WDR19: variants seen among roughly 807,000 people sequenced by gnomAD.
WDR19 encodes the protein WD repeat-containing protein 19.
A neutral mutation model predicts 180.0 loss-of-function variants in WDR19; 121 were observed. The observed-to-expected ratio is 0.67, with a 90% CI of 0.58 to 0.78. The LOEUF (loss-of-function observed/expected upper bound fraction) is 0.78, where lower values mean the gene tolerates loss of function less well. Among genes scored for constraint, WDR19 ranks in the 30% least tolerant of loss-of-function variants. The pLI is 0.00. For missense variants in WDR19, 1,450 were observed against 1,640.7 expected, an observed-to-expected ratio of 0.88 and a Z score of 2.01; for synonymous variants, 497 against 540.7, an observed-to-expected ratio of 0.92 and a Z score of 1.12.
intron 4 of WDR19, among the ~76,000 whole-genome samples, chr4:39,190,191 G>A (rs1726005422): frequency 6.6e-6 from 1 of 152,162 alleles, no homozygotes; most frequent in Non-Finnish European, 1.5e-5. Context: ...CTATCAGTAT[G>A]TATCATTCTT....
In WDR19 at chr4:39,186,532, C is replaced by A; in HGVS notation, c.99-7C>A. 2.6e-6 allele frequency: 3 copies of A among 1,154,058 alleles called. No individual in the cohort carries two copies. Among genetic ancestry groups the A allele is most frequent in the Non-Finnish European group, 3.7e-6 (3 of 821,200 alleles). 71.5% of individuals were successfully genotyped at this position (1,154,058 alleles called of 1,614,324 possible). ...AAATCATATCTTTATGTTCTGATTG[C>A]TTTCAGAGCTGATTATATTGTGAAA... On this transcript the variant is annotated splice_polypyrimidine_tract_variant and splice_region_variant and intron_variant, in intron 2 of 36. Transcript: ENST00000399820.
At position 39,228,675 on chromosome 4, in the gene WDR19, A is replaced by G. The variant is rs199821813; in HGVS notation, c.1967A>G (p.Asn656Ser). 6.3e-7 allele frequency: 1 copy of G among 1,595,714 alleles called. No individual in the cohort carries two copies. Among genetic ancestry groups the G allele is most frequent in the Non-Finnish European group, 8.5e-7 (1 of 1,171,162 alleles). ...PDELRPMLAQ[N>S]LMLKRFSDAW... ...GAACTGAGACCAATGCTGGCACAGAATTTAATGCTAAAGAGGTAGGCTTTC... is the reference window on the plus strand; with the variant it reads ...GAACTGAGACCAATGCTGGCACAGAGTTTAATGCTAAAGAGGTAGGCTTTC... Residue 656 changes from asparagine (N) to serine (S), a missense_variant, in exon 17 of 37, where the codon AAT becomes AGT. Coordinates refer to ENST00000399820, the MANE Select transcript of WDR19 (RefSeq NM_025132.4).
rs368949539 is a variant in WDR19 at position 39,280,141 on chromosome 4, T to TTTTTTTTTTTTA, written c.*13+1478_*13+1479insTTTTTTTTTTTA. 4.6e-4 allele frequency among the ~76,000 whole-genome samples: 41 copies of TTTTTTTTTTTTA among 88,382 alleles called. 3 individuals carry two copies. The highest frequency in any genetic ancestry group is 7.3e-4 in the East Asian group (2 of 2,742). The allele number at this position is 88,382 out of a possible 152,430, so 58.0% of individuals were successfully genotyped here. On this transcript the variant is annotated intron_variant, in intron 36 of 36. Coordinates refer to ENST00000399820, the MANE Select transcript of WDR19 (RefSeq NM_025132.4). Reference sequence around the variant, plus strand: ...CTTGTTTTTTTTTTTTTTTTTTTTTTAATAGAGGCAGGGTCTCGCCACATT... The same window carrying TTTTTTTTTTTTA: ...CTTGTTTTTTTTTTTTTTTTTTTTTTTTTTTTTTTTTAAATAGAGGCAGGGTCTCGCCACATT...
At chr4:39,193,223 G>A (rs1403617096) in intron 4 of WDR19, among the ~76,000 whole-genome samples, 3 of 149,030 alleles carry the variant, frequency 2.0e-5, no homozygotes, top group Non-Finnish European at 4.4e-5. Context: ...GTGCAGTGGC[G>A]CAATCTTGGC....
At chr4:39,280,461 C>A (rs1210391939) in intron 36 of WDR19, among the ~76,000 whole-genome samples, 1 of 152,010 alleles carries the variant, frequency 6.6e-6, no homozygotes, top group Non-Finnish European at 1.5e-5. Flanking sequence ...AAGTTTGAGA[C>A]CAGCCTGGGC....
intron 36 of WDR19, among the ~76,000 whole-genome samples, chr4:39,280,022 G>A (rs900996999): frequency 7.0e-6 from 1 of 142,280 alleles, no homozygotes; most frequent in African/African-American, 2.6e-5. Flanking sequence ...TCTTTTTATT[G>A]TTCAGTTCTA....
At position 39,205,601 on chromosome 4, in the gene WDR19, G is replaced by T; in HGVS notation, c.755G>T (p.Gly252Val). ...CGCATCATGATTGGTTTTTCATGTG[G>T]ACATTTTGTGGTCATTTCTACTCAT... is the stretch of plus-strand genomic sequence containing the variant. The part of the protein sequence containing the change: ...DGRIMIGFSC[G>V]HFVVISTHTG... The change falls in exon 9 of 37, where the codon GGA becomes GTA. Residue 252 changes from glycine to valine, a missense_variant. By Grantham distance (109) the Gly-to-Val change is moderately radical. Transcript: ENST00000399820. 1 of 1,613,336 alleles carries T rather than the reference G, an allele frequency of 6.2e-7. No individual in the cohort carries two copies. Among genetic ancestry groups the T allele is most frequent in the Non-Finnish European group, 8.5e-7 (1 of 1,179,676 alleles).
intron 10 of WDR19, 109 bp downstream of exon 10, chr4:39,214,780 T>A (rs1331320278): frequency 1.4e-6 from 1 of 693,610 alleles, no homozygotes; most frequent in East Asian, 2.9e-5. Flanking sequence ...ATAATTTTTT[T>A]TTTTTTTTTT....
At chr4:39,281,635 T>C (rs1047360034) in intron 36 of WDR19, among the ~76,000 whole-genome samples, 8 of 152,206 alleles carry the variant, frequency 5.3e-5, no homozygotes, top group African/African-American at 1.9e-4. Context: ...CAAATTATGA[T>C]TGGGGCTTGT....
intron 9 of WDR19, among the ~76,000 whole-genome samples, chr4:39,210,474 G>A (rs920577461): frequency 1.3e-5 from 2 of 152,310 alleles, no homozygotes; most frequent in Admixed American, 1.3e-4. Flanking sequence ...CCTGAAGCTA[G>A]GAGTTCGAGA....
intron 14 of WDR19, 170 bp downstream of exon 14, chr4:39,218,275 A>G (rs1729289517): frequency 1.1e-6 from 1 of 870,910 alleles, no homozygotes; most frequent in Non-Finnish European, 1.7e-6. Flanking sequence ...CAGTGGGGAT[A>G]CATTCTGAGA....
intron 6 of WDR19, among the ~76,000 whole-genome samples, chr4:39,200,718 G>A (rs1367274548): frequency 6.6e-6 from 1 of 152,122 alleles, no homozygotes; most frequent in Non-Finnish European, 1.5e-5. Context: ...TTCTTTAGAA[G>A]TGAACTACAA....
intron 24 of WDR19, among the ~76,000 whole-genome samples, chr4:39,248,184 T>A: frequency 6.6e-6 from 1 of 151,936 alleles, no homozygotes; most frequent in East Asian, 1.9e-4. Flanking sequence ...CAGAAGAGAG[T>A]GGGGGCCAAT....
At position 39,244,663 on chromosome 4, in the gene WDR19, A is replaced by G. The variant is rs576981344; in HGVS notation, c.2645+111A>G. 5 of 1,073,266 alleles carry G rather than the reference A, an allele frequency of 4.7e-6. No individual in the cohort carries two copies. In the African/African-American group the frequency reaches 4.8e-5, roughly 10 times the overall value. 66.5% of individuals were successfully genotyped at this position (1,073,266 alleles called of 1,614,324 possible). ...TTCTCTCTGTCCATTCTGTTCCCCT[A>G]TCTAGACCTACCCTTCATCTCTTTT... On this transcript the variant is annotated intron_variant, in intron 23 of 36. Transcript: ENST00000399820.
chr4:39,198,770 C>T (rs1025962572), intron 5 of WDR19, among the ~76,000 whole-genome samples: 29 of 152,152 alleles, frequency 1.9e-4, no homozygotes, highest in Non-Finnish European at 2.9e-5. Flanking sequence ...GAGGCCAAGG[C>T]AGGTGGATCA....
At chr4:39,264,440 T>C (rs1578026007) in intron 28 of WDR19, among the ~76,000 whole-genome samples, 1 of 152,350 alleles carries the variant, frequency 6.6e-6, no homozygotes, top group Non-Finnish European at 1.5e-5. Context: ...GGCAGGGCAG[T>C]GTGCAGAAAT....
At position 39,254,910 on chromosome 4, in the gene WDR19, A is replaced by T. The variant is rs184741087; in HGVS notation, c.3001+880A>T. On this transcript the variant is annotated intron_variant, in intron 26 of 36. Coordinates refer to ENST00000399820, the MANE Select transcript of WDR19 (RefSeq NM_025132.4). ...TTCTTTTTGTGTTATTCTGTTTTTT[A>T]AAATCCACGAAATGACCATAAGAAT... Among the ~76,000 whole-genome samples the T allele has an allele frequency of 7.4e-4, 112 of 152,310 alleles. 1 individual carries two copies. The East Asian group carries it at 0.019, about 26-fold the overall frequency.
chr4:39,204,864 T>G (rs1007346114), intron 7 of WDR19, among the ~76,000 whole-genome samples: 2 of 152,194 alleles, frequency 1.3e-5, no homozygotes, highest in African/African-American at 4.8e-5. Context: ...CTTACAATCC[T>G]GTAGTGTGCA....
chr4:39,192,859 T>C (rs1456135418), intron 4 of WDR19, among the ~76,000 whole-genome samples: 1 of 152,182 alleles, frequency 6.6e-6, no homozygotes, highest in Non-Finnish European at 1.5e-5. Flanking sequence ...TGCCCAGGAA[T>C]GGGCCCAGCA....
Sources: gnomAD v4.1 joint callset for allele counts (sites outside exome capture counted in the v4.1 genomes callset) on GRCh38, gnomAD v4.1.1 for gene constraint, MANE v1.5 for transcripts, NCBI Gene and HGNC (gene_info 2026-07-23, HGNC 2026-07-21) for gene names.